CDC5L: variants seen among roughly 807,000 people sequenced by gnomAD.
The protein encoded by CDC5L is cell division cycle 5 like, also known as cell division cycle 5-like protein.
Under a neutral mutation model 104.1 loss-of-function variants are expected in CDC5L, and 18 were observed. The observed-to-expected ratio is 0.17, with a 90% CI of 0.12 to 0.26. CDC5L has a LOEUF of 0.26. CDC5L is among the 10% of genes least tolerant of loss of function. CDC5L has a pLI of 1.00. For synonymous variants in CDC5L, 331 were observed against 322.7 expected, an observed-to-expected ratio of 1.03 and a Z score of -0.28; for missense variants, 673 against 956.9, an observed-to-expected ratio of 0.70 and a Z score of 3.91.
At chr6:44,433,869 A>G (rs1792801596) in intron 14 of CDC5L, among the ~76,000 whole-genome samples, 1 of 152,198 alleles carries the variant, frequency 6.6e-6, no homozygotes, top group Non-Finnish European at 1.5e-5. Flanking sequence ...TTTACACAGG[A>G]AAAAATTTCC....
intron 2 of CDC5L, among the ~76,000 whole-genome samples, chr6:44,391,069 G>A (rs1206439174): frequency 1.1e-5 from 1 of 93,058 alleles, no homozygotes; most frequent in Non-Finnish European, 1.9e-5. Context: ...TATTTAATAT[G>A]TTATATATTA....
In CDC5L at chr6:44,406,399, A is replaced by G. The variant is rs1452371295; in HGVS notation, c.835A>G (p.Ile279Val). Residue 279 changes from isoleucine (I) to valine (V), a missense_variant, in exon 7 of 16, where the codon ATT becomes GTT. By Grantham distance (29) the Ile-to-Val change is conservative. Coordinates refer to ENST00000371477, the MANE Select transcript of CDC5L (RefSeq NM_001253.4). ...RKKESDLPSAILQTSGVSEFT... is the reference protein window; with the variant it reads ...RKKESDLPSAVLQTSGVSEFT... The stretch of plus-strand genomic sequence containing the variant: ...AAAAGAATCTGATTTACCATCAGCT[A>G]TTCTTCAAACTAGTGGTGTTTCTGA... The G allele has an allele frequency of 8.7e-6, 14 of 1,608,526 alleles. No homozygotes were observed. The highest frequency in any genetic ancestry group is 1.6e-4 in the Middle Eastern group (1 of 6,074).
intron 14 of CDC5L, among the ~76,000 whole-genome samples, chr6:44,439,666 A>C (rs1793092066): frequency 6.6e-6 from 1 of 152,214 alleles, no homozygotes; most frequent in Admixed American, 6.5e-5. Flanking sequence ...CTTAGTTGTT[A>C]GGGAAAAGAG....
intron 14 of CDC5L, among the ~76,000 whole-genome samples, chr6:44,431,506 A>G (rs1349179541): frequency 6.6e-6 from 1 of 152,168 alleles, no homozygotes; most frequent in African/African-American, 2.4e-5. Context: ...TGTATTATTT[A>G]TATATAAATA....
Position 44,408,385 on chromosome 6 carries a change from A to T in CDC5L, c.904-59A>T, listed in dbSNP as rs1472321871. On this transcript the variant is annotated intron_variant, in intron 7 of 15. Transcript: ENST00000371477. ...CCAGAGTGTTGGGATTACAAGTGTGAGCCACTGTGCCCGGCCTCAGTTAAA... is the reference window on the plus strand; with the variant it reads ...CCAGAGTGTTGGGATTACAAGTGTGTGCCACTGTGCCCGGCCTCAGTTAAA... 7 of 1,347,874 alleles carry T rather than the reference A, an allele frequency of 5.2e-6. No individual in the cohort carries two copies. The Admixed American group carries it at 1.3e-4, about 24-fold the overall frequency. The allele number at this position is 1,347,874 out of a possible 1,614,324, so 83.5% of individuals were successfully genotyped here.
chr6:44,423,260 T>C (rs1213832390), intron 10 of CDC5L, among the ~76,000 whole-genome samples: 1 of 152,218 alleles, frequency 6.6e-6, no homozygotes, highest in Non-Finnish European at 1.5e-5. Context: ...TTGATTTATA[T>C]ATGTTTTTTA....
Position 44,448,569 on chromosome 6 carries a change from A to G in CDC5L, c.*1858A>G, listed in dbSNP as rs2153385080. On this transcript the variant is annotated 3_prime_UTR_variant, in exon 16 of 16. Coordinates refer to ENST00000371477, the MANE Select transcript of CDC5L (RefSeq NM_001253.4). The stretch of plus-strand genomic sequence containing the variant: ...GAGACATGATAGGTATATACTTAAT[A>G]GTCTTATCAGACGATAAATTGATAT... 6.6e-6 allele frequency: 1 copy of G among 152,218 alleles called. No individual in the cohort carries two copies. The highest frequency in any genetic ancestry group is 1.9e-4 in the East Asian group (1 of 5,196). The allele number at this position is 152,218 out of a possible 1,614,324, so 9.4% of individuals were successfully genotyped here.
intron 12 of CDC5L, 57 bp from the exon 13 acceptor site, chr6:44,426,425 T>C (rs750431984): frequency 1.9e-6 from 2 of 1,026,304 alleles, no homozygotes; most frequent in Non-Finnish European, 2.9e-6. Context: ...TAACAGGTAA[T>C]AACATTAATA....
chr6:44,431,600 C>G (rs1238610975), intron 14 of CDC5L, among the ~76,000 whole-genome samples: 1 of 152,006 alleles, frequency 6.6e-6, no homozygotes, highest in South Asian at 2.1e-4. Flanking sequence ...ACATTTTGTG[C>G]TTTTTTAAAT....
Position 44,417,761 on chromosome 6 carries a change from C to T in CDC5L, c.1093-1688C>T, listed in dbSNP as rs553356170. On this transcript the variant is annotated intron_variant, in intron 8 of 15. Coordinates refer to ENST00000371477, the MANE Select transcript of CDC5L (RefSeq NM_001253.4). ...GACCCCCACAAGTTGTTTTCTTGTG[C>T]AGTGGAAAGGTTGCTTGGGAGTATC... is the stretch of plus-strand genomic sequence containing the variant. 1.3e-4 allele frequency among the ~76,000 whole-genome samples: 20 copies of T among 152,248 alleles called. No individual in the cohort carries two copies. The South Asian group carries it at 3.7e-3, about 28-fold the overall frequency.
intron 14 of CDC5L, among the ~76,000 whole-genome samples, chr6:44,438,114 A>T (rs1424386758): frequency 1.3e-5 from 2 of 152,030 alleles, no homozygotes; most frequent in African/African-American, 4.8e-5. Flanking sequence ...ATGTCTGGCT[A>T]ATTTTTGTAT....
chr6:44,418,756 A>ATT (rs1267559085), intron 8 of CDC5L, among the ~76,000 whole-genome samples: 2 of 150,450 alleles, frequency 1.3e-5, no homozygotes, highest in Non-Finnish European at 3.0e-5. Flanking sequence ...GATGATGAGC[A>ATT]TTTTTTCATG....
chr6:44,422,767 T>G lies in CDC5L; in HGVS notation c.1362T>G (p.Asp454Glu), dbSNP rs1277518165. The change falls in exon 10 of 16, where the codon GAT becomes GAG. Residue 454 changes from aspartate (D) to glutamate (E), a missense_variant. Asp to Glu is a conservative substitution (Grantham distance 45). Around this residue, in one of 4 missense-constraint regions of CDC5L, gnomAD observed 578 missense variants for 737.0 expected, o/e 0.78. Transcript: ENST00000371477. Reference sequence around the variant, plus strand: ...ACAAGTTAAACATTAATCCCGAGGATGGAATGGCAGACTATAGTGATCCCT... The same window carrying G: ...ACAAGTTAAACATTAATCCCGAGGAGGGAATGGCAGACTATAGTGATCCCT... ...LRDKLNINPE[D>E]GMADYSDPSY... The G allele has an allele frequency of 6.2e-7, 1 of 1,613,072 alleles. No individual in the cohort carries two copies. Among genetic ancestry groups the G allele is most frequent in the African/African-American group, 1.3e-5 (1 of 75,018 alleles).
intron 1 of CDC5L, among the ~76,000 whole-genome samples, chr6:44,389,981 A>G (rs1407352753): frequency 6.6e-6 from 1 of 152,190 alleles, no homozygotes; most frequent in Non-Finnish European, 1.5e-5. Context: ...AATTTTTGTC[A>G]TAAAGTAGGG....
Position 44,427,488 on chromosome 6 carries a change from C to A in CDC5L, c.1893+764C>A, listed in dbSNP as rs187808675. Among the ~76,000 whole-genome samples the A allele has an allele frequency of 6.6e-5, 10 of 152,312 alleles. No individual in the cohort carries two copies. The East Asian group carries it at 1.7e-3, about 26-fold the overall frequency. ...TAGGATAAAACAAACAAGATTCTTA[C>A]AAACTCTCCTGTCTTCTCTCCTGCA... On this transcript the variant is annotated intron_variant, in intron 13 of 15. Coordinates refer to ENST00000371477, the MANE Select transcript of CDC5L (RefSeq NM_001253.4).
At chr6:44,419,359 C>T (rs1792056411) in intron 8 of CDC5L, 90 bp from the exon 9 acceptor site, 2 of 1,184,452 alleles carry the variant, frequency 1.7e-6, no homozygotes, top group Non-Finnish European at 2.4e-6. Context: ...AGGATTCTGC[C>T]TGCTTCAAGA....
rs571453351 is a variant in CDC5L at position 44,415,952 on chromosome 6, A to T, written c.1093-3497A>T. On this transcript the variant is annotated intron_variant, in intron 8 of 15. Coordinates refer to ENST00000371477, the MANE Select transcript of CDC5L (RefSeq NM_001253.4). ...TGAGATTTAGTCTAGTCTGTGACAT[A>T]TTTTTTTGTAAAATTTTGATAAATT... Among the ~76,000 whole-genome samples the T allele has an allele frequency of 1.2e-4, 18 of 152,192 alleles. 1 individual carries two copies. The South Asian group carries it at 3.5e-3, about 30-fold the overall frequency.
At chr6:44,416,012 G>A (rs929601718) in intron 8 of CDC5L, among the ~76,000 whole-genome samples, 2 of 152,090 alleles carry the variant, frequency 1.3e-5, no homozygotes, top group Admixed American at 6.6e-5. Context: ...TTGGTTCAGT[G>A]TCTGTTCTAT....
At chr6:44,423,943 ACCT>A (rs1792303882) in intron 10 of CDC5L, among the ~76,000 whole-genome samples, 1 of 152,008 alleles carries the variant, frequency 6.6e-6, no homozygotes, top group African/African-American at 2.4e-5. Context: ...CTGGCCTCAG[ACCT>A]CCTGTTGGAA....
Sources: gnomAD v4.1 joint callset for allele counts (sites outside exome capture counted in the v4.1 genomes callset) on GRCh38, gnomAD v4.1.1 for gene constraint, gnomAD v4.1.1 regional missense constraint, MANE v1.5 for transcripts, NCBI Gene and HGNC (gene_info 2026-07-23, HGNC 2026-07-21) for gene names.